COLEC10: variants seen among roughly 807,000 people sequenced by gnomAD.
COLEC10 encodes the protein collectin-10.
COLEC10 carries 22 observed loss-of-function variants against 28.4 expected under a neutral mutation model. The observed-to-expected ratio is 0.78, with a 90% CI of 0.55 to 1.11. The LOEUF (loss-of-function observed/expected upper bound fraction) is 1.11, where lower values mean the gene tolerates loss of function less well. Among genes scored for constraint, COLEC10 ranks in the 50% least tolerant of loss-of-function variants. The pLI is 0.00. For missense variants in COLEC10, 361 were observed against 344.1 expected, an observed-to-expected ratio of 1.05 and a Z score of -0.39; for synonymous variants, 125 against 116.1, an observed-to-expected ratio of 1.08 and a Z score of -0.49.
chr8:118,980,391 C>A, the COLEC10 span, among the ~76,000 whole-genome samples: 1 of 151,848 alleles, frequency 6.6e-6, no homozygotes, highest in Admixed American at 6.6e-5. Context: ...TGAGGTTTCA[C>A]CATGTTGGCC....
the COLEC10 span, among the ~76,000 whole-genome samples, chr8:118,957,815 C>A: frequency 2.1e-4 from 32 of 152,216 alleles, no homozygotes; most frequent in African/African-American, 9.6e-5. Context: ...CATTTTACCA[C>A]CATTATGCTA....
chr8:119,059,125 G>GAT (rs1456857194), intron 2 of COLEC10, among the ~76,000 whole-genome samples: 1 of 151,900 alleles, frequency 6.6e-6, no homozygotes, highest in Non-Finnish European at 1.5e-5. Flanking sequence ...TTCTTTATTG[G>GAT]ATATATGATT....
Position 119,044,621 on chromosome 8 carries a change from C to T in COLEC10, n.235+35068C>T, listed in dbSNP as rs576019778. 8.6e-5 allele frequency among the ~76,000 whole-genome samples: 13 copies of T among 151,716 alleles called. 1 individual carries two copies. The highest frequency in any genetic ancestry group is 1.9e-4 in the East Asian group (1 of 5,172). On this transcript the variant is annotated intron_variant and non_coding_transcript_variant, in intron 2 of 6. Coordinates refer to the COLEC10 transcript ENST00000521788. The stretch of plus-strand genomic sequence containing the variant: ...GCACTTTGGGAGGCCAGCGGGAGGG[C>T]GGGGGCATGGATCGTTTCAGGCCAG...
At chr8:119,030,788 G>A (rs1229197178) in intron 2 of COLEC10, among the ~76,000 whole-genome samples, 1 of 152,162 alleles carries the variant, frequency 6.6e-6, no homozygotes, top group Non-Finnish European at 1.5e-5. Flanking sequence ...ATGATCATGG[G>A]AAGGCATGTC....
At chr8:119,099,206 G>T (rs1001235355) in intron 3 of COLEC10, among the ~76,000 whole-genome samples, 2 of 151,848 alleles carry the variant, frequency 1.3e-5, no homozygotes, top group Admixed American at 6.6e-5. Flanking sequence ...CCACTCATTG[G>T]CCAAAATCAG....
chr8:118,957,714 A>G, the COLEC10 span, among the ~76,000 whole-genome samples: 1 of 152,220 alleles, frequency 6.6e-6, no homozygotes, highest in African/African-American at 2.4e-5. Flanking sequence ...TGTCTCCAGG[A>G]CAATCATCAC....
the COLEC10 span, among the ~76,000 whole-genome samples, chr8:118,967,426 C>T: frequency 2.0e-5 from 3 of 151,920 alleles, no homozygotes; most frequent in Admixed American, 2.0e-4. Flanking sequence ...ATACAAATGC[C>T]CTGGATTAAT....
upstream of COLEC10, among the ~76,000 whole-genome samples, chr8:118,994,127 C>T (rs942797322): frequency 6.6e-6 from 1 of 152,134 alleles, no homozygotes; most frequent in African/African-American, 2.4e-5. Flanking sequence ...CTTGGATTCT[C>T]TTTTTACATT....
intron 3 of COLEC10, among the ~76,000 whole-genome samples, chr8:119,093,215 C>A (rs372467751): frequency 2.0e-5 from 3 of 152,184 alleles, no homozygotes. Flanking sequence ...TCCCTGCAGG[C>A]AGGTTGACAG....
intron 2 of COLEC10, among the ~76,000 whole-genome samples, chr8:119,040,162 C>A (rs1814468096): frequency 6.6e-6 from 1 of 152,162 alleles, no homozygotes; most frequent in Non-Finnish European, 1.5e-5. Flanking sequence ...CAGATGTATT[C>A]TCCTTTCTCT....
At chr8:118,960,007 A>G in the COLEC10 span, among the ~76,000 whole-genome samples, 6 of 152,332 alleles carry the variant, frequency 3.9e-5, no homozygotes, top group East Asian at 1.2e-3. Flanking sequence ...GGAGATGTAA[A>G]TGGTATTTGG....
chr8:119,069,644 A>ATC, intron 1 of COLEC10, among the ~76,000 whole-genome samples: 1 of 87,918 alleles, frequency 1.1e-5, no homozygotes, highest in Non-Finnish European at 2.0e-5. Flanking sequence ...ATATATATAT[A>ATC]TATATATATA....
chr8:119,045,522 G>A (rs796434148), intron 2 of COLEC10, among the ~76,000 whole-genome samples: 9 of 152,282 alleles, frequency 5.9e-5, no homozygotes, highest in African/African-American at 2.2e-4. Flanking sequence ...AGTGTTGATT[G>A]CTGAATTTTA....
At chr8:119,041,533 C>G (rs1814493927) in intron 2 of COLEC10, among the ~76,000 whole-genome samples, 1 of 151,892 alleles carries the variant, frequency 6.6e-6, no homozygotes, top group Admixed American at 6.6e-5. Context: ...TAGTCTTGGC[C>G]CTTATTAAAA....
chr8:119,070,479 T>G (rs1299709386), intron 1 of COLEC10, among the ~76,000 whole-genome samples: 1 of 25,098 alleles, frequency 4.0e-5, no homozygotes, highest in Non-Finnish European at 7.1e-5. Context: ...CTCTCTCTCC[T>G]TCCCCCTCCT....
At chr8:119,071,227 A>T (rs1372846855) in intron 1 of COLEC10, among the ~76,000 whole-genome samples, 1 of 152,188 alleles carries the variant, frequency 6.6e-6, no homozygotes, top group Non-Finnish European at 1.5e-5. Flanking sequence ...TTTGATAATC[A>T]ACTTCATTAC....
chr8:119,022,477 A>G (rs1305629327), intron 2 of COLEC10, among the ~76,000 whole-genome samples: 1 of 152,182 alleles, frequency 6.6e-6, no homozygotes, highest in African/African-American at 2.4e-5. Flanking sequence ...AGTAAGGAAG[A>G]TAAAAAAAGG....
At chr8:119,039,314 C>T (rs563010787) in intron 2 of COLEC10, among the ~76,000 whole-genome samples, 61 of 152,242 alleles carry the variant, frequency 4.0e-4, no homozygotes, top group Middle Eastern at 6.8e-3. Flanking sequence ...GTTCCCAGTC[C>T]GTCCTGTTCA....
chr8:119,052,888 A>G (rs922393311), intron 2 of COLEC10, among the ~76,000 whole-genome samples: 3 of 152,114 alleles, frequency 2.0e-5, no homozygotes, highest in African/African-American at 7.2e-5. Context: ...CAACAAAAAG[A>G]TTTTAGAGTT....
Sources: gnomAD v4.1 joint callset for allele counts (sites outside exome capture counted in the v4.1 genomes callset) on GRCh38, gnomAD v4.1.1 for gene constraint, MANE v1.5 for transcripts, NCBI Gene and HGNC (gene_info 2026-07-23, HGNC 2026-07-21) for gene names.